SLCO1B1: variants seen among roughly 807,000 people sequenced by gnomAD.
SLCO1B1 encodes solute carrier organic anion transporter family member 1B1, also known as OATP-2.
In SLCO1B1, 81 loss-of-function variants were observed where a neutral mutation model predicts 70.1. That is an observed-to-expected ratio of 1.16 (90% CI 0.97 to 1.39). SLCO1B1 has a LOEUF of 1.39. Among genes scored for constraint, SLCO1B1 ranks in the 40% most tolerant of loss-of-function variants. The pLI, the probability that SLCO1B1 is intolerant of heterozygous loss-of-function variation, is 0.00. For synonymous variants in SLCO1B1, 283 were observed against 271.5 expected, an observed-to-expected ratio of 1.04 and a Z score of -0.42; for missense variants, 895 against 799.6, an observed-to-expected ratio of 1.12 and a Z score of -1.44.
chr12:21,220,621 A>C (rs938577873), intron 12 of SLCO1B1, among the ~76,000 whole-genome samples: 4 of 152,106 alleles, frequency 2.6e-5, no homozygotes, highest in Non-Finnish European at 5.9e-5. Flanking sequence ...AATAAAGAAA[A>C]CTGAGGAGGT....
At chr12:21,210,856 CTGTT>C (rs1261829819) in intron 11 of SLCO1B1, among the ~76,000 whole-genome samples, 4 of 151,854 alleles carry the variant, frequency 2.6e-5, no homozygotes, top group East Asian at 1.9e-4. Context: ...ATTTGGCTCT[CTGTT>C]TGTCTGTTGT....
intron 7 of SLCO1B1, among the ~76,000 whole-genome samples, chr12:21,179,406 C>A (rs1191612026): frequency 6.6e-6 from 1 of 152,124 alleles, no homozygotes; most frequent in Non-Finnish European, 1.5e-5. Flanking sequence ...GTGGCTGCTG[C>A]ATTGATTTAT....
At chr12:21,140,011 A>G (rs182477530) in intron 1 of SLCO1B1, among the ~76,000 whole-genome samples, 1 of 152,242 alleles carries the variant, frequency 6.6e-6, no homozygotes, top group Non-Finnish European at 1.5e-5. Flanking sequence ...TTCAATGTTA[A>G]TGAATCAATA....
intron 3 of SLCO1B1, among the ~76,000 whole-genome samples, chr12:21,173,330 GT>G (rs1940777654): frequency 6.6e-6 from 1 of 151,908 alleles, no homozygotes; most frequent in Admixed American, 6.6e-5. Context: ...TCATATTTGT[GT>G]TTTTCCCTAT....
At chr12:21,140,296 C>A (rs1940290620) in intron 1 of SLCO1B1, among the ~76,000 whole-genome samples, 1 of 151,914 alleles carries the variant, frequency 6.6e-6, no homozygotes, top group African/African-American at 2.4e-5. Context: ...GCTGTGTCTG[C>A]TTATATAGAT....
intron 2 of SLCO1B1, among the ~76,000 whole-genome samples, chr12:21,144,083 A>T (rs1157620356): frequency 1.3e-5 from 2 of 152,122 alleles, no homozygotes; most frequent in African/African-American, 4.8e-5. Flanking sequence ...ACCTGCTAGT[A>T]TATGTTTCAT....
chr12:21,136,642 A>G (rs549388218), intron 1 of SLCO1B1, among the ~76,000 whole-genome samples: 1 of 152,184 alleles, frequency 6.6e-6, no homozygotes, highest in Admixed American at 6.5e-5. Context: ...AGGCTTCTGC[A>G]TTTGTCATGT....
Position 21,178,663 on chromosome 12 carries a change from C to A in SLCO1B1, c.569C>A (p.Pro190Gln), listed in dbSNP as rs1300186922. The A allele has an allele frequency of 1.2e-6, 2 of 1,607,016 alleles. No homozygotes were observed. Among genetic ancestry groups the A allele is most frequent in the Non-Finnish European group, 8.5e-7 (1 of 1,173,682 alleles). Residue 190 changes from proline (P) to glutamine (Q), a missense_variant, in exon 6 of 15, where the codon CCA becomes CAA. Pro to Gln is a moderately conservative substitution (Grantham distance 76). Transcript: ENST00000256958. ...LRGIGETPIVPLGLSYIDDFA... is the reference protein window; with the variant it reads ...LRGIGETPIVQLGLSYIDDFA... ...GGAATAGGGGAGACTCCCATAGTAC[C>A]ATTGGGGCTTTCTTACATTGATGAT...
At chr12:21,163,473 A>T (rs183465424) in intron 2 of SLCO1B1, among the ~76,000 whole-genome samples, 90 of 152,262 alleles carry the variant, frequency 5.9e-4, no homozygotes, top group Admixed American at 1.2e-3. Flanking sequence ...TTTACAAAGT[A>T]ATTAACTTTG....
chr12:21,134,372 CT>C (rs1940185561), intron 1 of SLCO1B1, among the ~76,000 whole-genome samples: 1 of 152,284 alleles, frequency 6.6e-6, no homozygotes, highest in African/African-American at 2.4e-5. Context: ...AGGATTCCCT[CT>C]TTTTCTATTG....
In SLCO1B1 at chr12:21,178,709, T is replaced by C. The variant is rs1292537368; in HGVS notation, c.615T>C (p.Ser205=). 2 of 1,603,480 alleles carry C rather than the reference T, an allele frequency of 1.2e-6. No individual in the cohort carries two copies. Among genetic ancestry groups the C allele is most frequent in the East Asian group, 4.5e-5 (2 of 44,724 alleles). Reference sequence around the variant, plus strand: ...ATGATTTCGCTAAAGAAGGACATTCTTCTTTGTATTTAGGTAATGTACACA... The same window carrying C: ...ATGATTTCGCTAAAGAAGGACATTCCTCTTTGTATTTAGGTAATGTACACA... ...YIDDFAKEGH[S]SLYLGILNAI... The change falls in exon 6 of 15, where the codon TCT becomes TCC. Residue 205 remains serine (S), a synonymous_variant. Transcript: ENST00000256958.
intron 4 of SLCO1B1, among the ~76,000 whole-genome samples, chr12:21,176,001 C>T (rs1198620264): frequency 3.3e-5 from 5 of 152,094 alleles, no homozygotes; most frequent in African/African-American, 1.2e-4. Context: ...TTCTATTCAT[C>T]TTCCAGATTC....
In SLCO1B1 at chr12:21,197,027, T is replaced by G. The variant is rs1009015917; in HGVS notation, c.809T>G (p.Ile270Ser). 2 of 1,613,648 alleles carry G rather than the reference T, an allele frequency of 1.2e-6. No homozygotes were observed. The highest frequency in any genetic ancestry group is 1.3e-5 in the African/African-American group (1 of 74,908). Residue 270 changes from isoleucine to serine, a missense_variant, in exon 8 of 15, where the codon ATT becomes AGT. Coordinates refer to ENST00000256958, the MANE Select transcript of SLCO1B1 (RefSeq NM_006446.5). ...TTCCTTGTGTCTGGACTATTCTCCA[T>G]TATTTCTTCCATACCATTCTTTTTC... is the stretch of plus-strand genomic sequence containing the variant. ...LNFLVSGLFS[I>S]ISSIPFFFLP...
At chr12:21,194,924 G>A (rs1288755802) in intron 7 of SLCO1B1, among the ~76,000 whole-genome samples, 2 of 152,162 alleles carry the variant, frequency 1.3e-5, no homozygotes, top group African/African-American at 4.8e-5. Flanking sequence ...CACATCACAT[G>A]TTGAGAGAAA....
rs1378365312 is a variant in SLCO1B1 at position 21,211,037 on chromosome 12, T to C, written c.1497+5004T>C. 5.3e-5 allele frequency among the ~76,000 whole-genome samples: 8 copies of C among 152,298 alleles called. No individual in the cohort carries two copies. In the East Asian group the frequency reaches 1.5e-3, roughly 29 times the overall value. On this transcript the variant is annotated intron_variant, in intron 11 of 14. Coordinates refer to ENST00000256958, the MANE Select transcript of SLCO1B1 (RefSeq NM_006446.5). ...ACAATTTGACTTCCTCTTTTCCTAA[T>C]TGAATACCATTTATTTCCTTCTCCT...
At chr12:21,225,060 C>T (rs1352754396) in intron 14 of SLCO1B1, among the ~76,000 whole-genome samples, 1 of 151,926 alleles carries the variant, frequency 6.6e-6, no homozygotes, top group African/African-American at 2.4e-5. Context: ...TACGAAGAAA[C>T]TGTGATTCAA....
intron 2 of SLCO1B1, among the ~76,000 whole-genome samples, chr12:21,170,310 C>T (rs969701762): frequency 9.9e-5 from 15 of 152,172 alleles, no homozygotes; most frequent in Admixed American, 8.5e-4. Flanking sequence ...TTTTTCTTGC[C>T]AGGTTGTTTT....
chr12:21,191,994 A>G (rs1565677933), intron 7 of SLCO1B1, among the ~76,000 whole-genome samples: 1 of 151,978 alleles, frequency 6.6e-6, no homozygotes, highest in South Asian at 2.1e-4. Context: ...TCCTTTTTAT[A>G]TGCTATTAAA....
chr12:21,171,344 A>G lies in SLCO1B1; in HGVS notation c.85-1306A>G, dbSNP rs547252095. ...GGAATGACCAAGGACAAGAGTAACA[A>G]AGTATAAGATTAGAAAGATAAAGAG... On this transcript the variant is annotated intron_variant, in intron 2 of 14. Transcript: ENST00000256958. 3.9e-5 allele frequency among the ~76,000 whole-genome samples: 6 copies of G among 152,334 alleles called. No individual in the cohort carries two copies. In the South Asian group the frequency reaches 6.2e-4, roughly 16 times the overall value.
Sources: gnomAD v4.1 joint callset for allele counts (sites outside exome capture counted in the v4.1 genomes callset) on GRCh38, gnomAD v4.1.1 for gene constraint, MANE v1.5 for transcripts, NCBI Gene and HGNC (gene_info 2026-07-23, HGNC 2026-07-21) for gene names.